The following SNX12 variants were observed in gnomAD, a reference collection of about 807,000 sequenced individuals.
The protein encoded by SNX12 is sorting nexin-12.
For synonymous variants in SNX12, 47 were observed against 56.0 expected (o/e 0.84, Z 0.71); for missense variants, 62 against 141.3 (o/e 0.44, Z 2.84).
intron 1 of SNX12, among the ~76,000 whole-genome samples, chrX:71,065,602 C>T (rs1285405794): frequency 1.6e-4 from 18 of 109,428 alleles, no homozygotes; most frequent in Non-Finnish European, 2.7e-4. Flanking sequence ...GTCAGGAGTT[C>T]GAGACCAGCC....
intron 1 of SNX12, among the ~76,000 whole-genome samples, chrX:71,065,552 C>T (rs757270803): frequency 9.2e-6 from 1 of 108,777 alleles, no homozygotes; most frequent in African/African-American, 3.4e-5. Flanking sequence ...CACCTATAAT[C>T]CCAGCACTTT....
intron 1 of SNX12, among the ~76,000 whole-genome samples, chrX:71,064,468 A>C (rs1036427182): frequency 8.9e-6 from 1 of 112,776 alleles, no homozygotes; most frequent in Non-Finnish European, 1.9e-5. Flanking sequence ...TCTAAAATGC[A>C]GAATATGCAA....
intron 1 of SNX12, among the ~76,000 whole-genome samples, chrX:71,064,040 T>G (rs1304282048): frequency 1.8e-5 from 2 of 111,970 alleles, no homozygotes; most frequent in African/African-American, 6.5e-5. Flanking sequence ...TAATAAAGTA[T>G]TTATGAAAAT....
chrX:71,060,046 T>C lies in SNX12; in HGVS notation c.*970A>G, dbSNP rs2092125527. The C allele has an allele frequency of 1.8e-5, 2 of 111,896 alleles. No individual in the cohort carries two copies. Among genetic ancestry groups the C allele is most frequent in the Non-Finnish European group, 3.8e-5 (2 of 53,234 alleles). The allele number at this position is 111,896 out of a possible 1,213,427, so 9.2% of individuals were successfully genotyped here. A position where few individuals can be genotyped will look rare whatever the true frequency, so the allele number is the denominator to read the frequency against. ...ACTGTGTGGTTGGTTTGTGTGCTTC[T>C]GCCCTGTGGCAGCACTAAATGGGAT... On this transcript the variant is annotated 3_prime_UTR_variant, in exon 4 of 4. Coordinates refer to ENST00000374274, the MANE Select transcript of SNX12 (RefSeq NM_013346.4).
At chrX:71,068,338 G>C (rs763171843), upstream of SNX12, 1 of 1,146,427 alleles carries the variant, frequency 8.7e-7, no homozygotes, top group Admixed American at 2.4e-5. Context: ...ACCGGGGAAA[G>C]GGGGTGGGGG....
rs1210035178 is a variant in SNX12 at position 71,060,326 on chromosome X, G to A, written c.*690C>T. 1 of 111,440 alleles carries A rather than the reference G, an allele frequency of 9.0e-6. No homozygotes were observed. The highest frequency in any genetic ancestry group is 2.8e-4 in the East Asian group (1 of 3,531). 9.2% of individuals were successfully genotyped at this position (111,440 alleles called of 1,213,427 possible). A position where few individuals can be genotyped will look rare whatever the true frequency, so the allele number is the denominator to read the frequency against. On this transcript the variant is annotated 3_prime_UTR_variant, in exon 4 of 4. Coordinates refer to ENST00000374274, the MANE Select transcript of SNX12 (RefSeq NM_013346.4). ...CTAGAGTGGGAGCCACAAAGGGAGAGGGGCTAGGCAATAGGAGCTCCCCTA... is the reference window on the plus strand; with the variant it reads ...CTAGAGTGGGAGCCACAAAGGGAGAAGGGCTAGGCAATAGGAGCTCCCCTA...
intron 3 of SNX12, 92 bp downstream of exon 3, chrX:71,061,751 A>T (rs2092132191): frequency 2.5e-6 from 2 of 797,067 alleles, no homozygotes; most frequent in Middle Eastern, 3.3e-4. Flanking sequence ...AAATAAGTAA[A>T]TAAAAATAAA....
At position 71,059,277 on chromosome X, in the gene SNX12, T is replaced by C. The variant is rs1602268870; in HGVS notation, c.*1739A>G. ...TCACAGTGGTTTAATATGAACAGAG[T>C]TGAATATGACATTGTCTGACAGAAG... On this transcript the variant is annotated 3_prime_UTR_variant, in exon 4 of 4. Transcript: ENST00000374274. 2 of 111,402 alleles carry C rather than the reference T, an allele frequency of 1.8e-5. No individual in the cohort carries two copies. The highest frequency in any genetic ancestry group is 5.6e-4 in the East Asian group (2 of 3,556). The allele number at this position is 111,402 out of a possible 1,213,427, so 9.2% of individuals were successfully genotyped here. A position where few individuals can be genotyped will look rare whatever the true frequency, so the allele number is the denominator to read the frequency against.
upstream of SNX12, among the ~76,000 whole-genome samples, chrX:71,073,035 T>TACACACACACACACAC (rs56242437): frequency 1.1e-5 from 1 of 90,032 alleles, no homozygotes; most frequent in African/African-American, 4.3e-5. Context: ...TTATCACACA[T>TACACACACACACACAC]ACACACACAC....
At chrX:71,068,102 C>G in intron 1 of SNX12, 40 bp downstream of exon 1, 1 of 1,128,782 alleles carries the variant, frequency 8.9e-7, no homozygotes, top group Non-Finnish European at 1.2e-6. Context: ...CTCGCGCCGC[C>G]CGGTCCTCCC....
intron 1 of SNX12, among the ~76,000 whole-genome samples, chrX:71,066,557 G>A (rs1055837684): frequency 9.7e-6 from 1 of 102,979 alleles, no homozygotes; most frequent in Non-Finnish European, 2.0e-5. Flanking sequence ...ACCATTGCAC[G>A]GCAGCCTGGG....
chrX:71,072,261 G>GAA (rs746700000), upstream of SNX12, among the ~76,000 whole-genome samples: 7 of 91,203 alleles, frequency 7.7e-5, no homozygotes, highest in African/African-American at 1.6e-4. Context: ...CCATCTTGGG[G>GAA]AAAAAAAAAA....
upstream of SNX12, among the ~76,000 whole-genome samples, chrX:71,068,600 T>A (rs1258160325): frequency 2.7e-5 from 3 of 112,906 alleles, no homozygotes; most frequent in Non-Finnish European, 3.8e-5. Context: ...CCCAATACCC[T>A]GCCTAGCAGC....
upstream of SNX12, among the ~76,000 whole-genome samples, chrX:71,071,661 A>AT (rs1246822117): frequency 1.6e-5 from 1 of 63,392 alleles, no homozygotes; most frequent in Non-Finnish European, 2.6e-5. Flanking sequence ...ATCATTATAT[A>AT]TAATTATTTA....
At chrX:71,072,920 CA>C (rs1290182777), upstream of SNX12, among the ~76,000 whole-genome samples, 1 of 109,523 alleles carries the variant, frequency 9.1e-6, no homozygotes, top group Admixed American at 9.8e-5. Context: ...CACACACACA[CA>C]CACACACACA....
At chrX:71,068,998 T>TACC (rs1389202456), upstream of SNX12, among the ~76,000 whole-genome samples, 2 of 111,821 alleles carry the variant, frequency 1.8e-5, no homozygotes, top group Non-Finnish European at 3.8e-5. Flanking sequence ...ACTCCAGGTG[T>TACC]ACTCAATCTT....
intron 1 of SNX12, among the ~76,000 whole-genome samples, chrX:71,066,829 C>T (rs1325769123): frequency 1.8e-5 from 2 of 111,194 alleles, no homozygotes; most frequent in Non-Finnish European, 3.8e-5. Flanking sequence ...CATGATTTCA[C>T]ATAGTTCTTA....
At chrX:71,065,939 A>G (rs972687559) in intron 1 of SNX12, among the ~76,000 whole-genome samples, 9 of 110,238 alleles carry the variant, frequency 8.2e-5, no homozygotes, top group African/African-American at 3.0e-4. Context: ...AGATCATGCC[A>G]CTGCACTCCA....
At chrX:71,065,357 CAAAAAAAAAAA>C (rs34405331) in intron 1 of SNX12, among the ~76,000 whole-genome samples, 3 of 56,120 alleles carry the variant, frequency 5.3e-5, no homozygotes, top group African/African-American at 6.8e-5. Context: ...GACTTTGTCT[CAAAAAAAAAAA>C]AAAAAAAAGA....
Sources: gnomAD v4.1 joint callset for allele counts (sites outside exome capture counted in the v4.1 genomes callset) on GRCh38, gnomAD v4.1.1 for gene constraint, MANE v1.5 for transcripts, NCBI Gene and HGNC (gene_info 2026-07-23, HGNC 2026-07-21) for gene names.